The following KLF9 variants were observed in gnomAD, a reference collection of about 807,000 sequenced individuals.
The protein encoded by KLF9 is Krueppel-like factor 9.
Under a neutral mutation model 17.3 loss-of-function variants are expected in KLF9, and 2 were observed. The observed-to-expected ratio is 0.12, with a 90% CI of 0.05 to 0.36. The LOEUF is 0.36. Ranked by LOEUF, KLF9 falls within the 10% of genes least tolerant of loss-of-function variation. The pLI, the probability that KLF9 is intolerant of heterozygous loss-of-function variation, is 1.00. For missense variants in KLF9, 226 were observed against 333.2 expected (o/e 0.68, Z 2.51); for synonymous variants, 138 against 139.2 (o/e 0.99, Z 0.06).
rs867179860 is a variant in KLF9, at chr9:70,413,515, C to T, written c.-152G>A. On this transcript the variant is annotated 5_prime_UTR_variant, in exon 1 of 2. Transcript: ENST00000377126. This position sits in a 1 kb window ranked among gnomAD's most constrained non-coding sequence, Gnocchi z 5.6. ...GCGGGGGCGCGGGGCGCTTCCGACT[C>T]GCAGGAGCGCCGAGGCGACCTCAGC... The T allele has an allele frequency of 1.3e-6, 1 of 761,660 alleles. No homozygotes were observed. The highest frequency in any genetic ancestry group is 1.8e-5 in the African/African-American group (1 of 54,112). 47.2% of individuals were successfully genotyped at this position (761,660 alleles called of 1,614,324 possible). A position where few individuals can be genotyped will look rare whatever the true frequency, so the allele number is the denominator to read the frequency against.
Position 70,385,346 on chromosome 9 carries a change from ATACGT to A in KLF9, c.*2425_*2429del, listed in dbSNP as rs1240683647. 1 of 152,676 alleles carries A rather than the reference ATACGT, an allele frequency of 6.5e-6. No individual in the cohort carries two copies. The highest frequency in any genetic ancestry group is 1.9e-4 in the East Asian group (1 of 5,202). 9.5% of individuals were successfully genotyped at this position (152,676 alleles called of 1,614,324 possible). On this transcript the variant is annotated 3_prime_UTR_variant, in exon 2 of 2. Transcript: ENST00000377126. The stretch of plus-strand genomic sequence containing the variant: ...ACAAAGAATAAAAAGGCTTGAGTTT[ATACGT>A]TACATTACTATAACATATAAGAGAA...
intron 1 of KLF9, among the ~76,000 whole-genome samples, chr9:70,412,518 G>A (rs2118932813): frequency 6.6e-6 from 1 of 152,176 alleles, no homozygotes; most frequent in Non-Finnish European, 1.5e-5. Flanking sequence ...CGCTGCCAGC[G>A]TCTCCCAGGT....
chr9:70,406,273 G>T (rs2037254088), intron 1 of KLF9, among the ~76,000 whole-genome samples: 1 of 152,164 alleles, frequency 6.6e-6, no homozygotes, highest in Admixed American at 6.5e-5. Context: ...AGCTGGTGAG[G>T]CTCTGGGAGA....
At chr9:70,393,847 C>G (rs1268111743) in intron 1 of KLF9, among the ~76,000 whole-genome samples, 1 of 151,880 alleles carries the variant, frequency 6.6e-6, no homozygotes, top group African/African-American at 2.4e-5. Flanking sequence ...GTGGTGAAAC[C>G]CCATCTCTAC....
At chr9:70,396,767 G>C (rs924839037) in intron 1 of KLF9, among the ~76,000 whole-genome samples, 1 of 152,128 alleles carries the variant, frequency 6.6e-6, no homozygotes, top group African/African-American at 2.4e-5. Flanking sequence ...TTTAAACAGT[G>C]AGTATAAATT....
intron 1 of KLF9, among the ~76,000 whole-genome samples, chr9:70,408,697 A>G (rs1412732222): frequency 1.3e-5 from 2 of 152,164 alleles, no homozygotes; most frequent in African/African-American, 4.8e-5. Context: ...AACCTTTTAC[A>G]GTAATTAAGG....
At position 70,409,198 on chromosome 9, in the gene KLF9, A is replaced by ATATGTG. The variant is rs1205418073; in HGVS notation, c.505+3660_505+3661insCACATA. Among the ~76,000 whole-genome samples, 4 of 51,504 alleles carry ATATGTG rather than the reference A, an allele frequency of 7.8e-5. 1 individual carries two copies. Among genetic ancestry groups the ATATGTG allele is most frequent in the Non-Finnish European group, 2.1e-4 (4 of 19,310 alleles). The allele number at this position is 51,504 out of a possible 152,430, so 33.8% of individuals were successfully genotyped here. On this transcript the variant is annotated intron_variant, in intron 1 of 1. Transcript: ENST00000377126. ...TATATATGTATACATATACATGTATATGTATATATATATACATATATGTAT... is the reference window on the plus strand; with the variant it reads ...TATATATGTATACATATACATGTATATATGTGTGTATATATATATACATATATGTAT...
rs188704548 is a variant in KLF9 at position 70,387,775 on chromosome 9, C to T, written c.*1G>A. On this transcript the variant is annotated 3_prime_UTR_variant, in exon 2 of 2. Coordinates refer to ENST00000377126, the MANE Select transcript of KLF9 (RefSeq NM_001206.4). ...CCTCCCTGGCTTCCACGGGCAGCACCTCACAAAGCGTTGGCCAGCGCCTTT... is the reference window on the plus strand; with the variant it reads ...CCTCCCTGGCTTCCACGGGCAGCACTTCACAAAGCGTTGGCCAGCGCCTTT... 6 of 1,613,674 alleles carry T rather than the reference C, an allele frequency of 3.7e-6. No individual in the cohort carries two copies. Among genetic ancestry groups the T allele is most frequent in the Non-Finnish European group, 5.1e-6 (6 of 1,179,748 alleles).
intron 1 of KLF9, among the ~76,000 whole-genome samples, chr9:70,402,375 T>G (rs2037227913): frequency 6.6e-6 from 1 of 152,246 alleles, no homozygotes; most frequent in South Asian, 2.1e-4. Context: ...TTGGGCATTG[T>G]GCACACTGAA....
chr9:70,387,568 A>T lies in KLF9; in HGVS notation c.*208T>A, dbSNP rs1292528584. ...TTCAGAGAGTTGCCTCTTCAAGGGG[A>T]CCGAGTGTTGTTGACTTTGATCTTA... On this transcript the variant is annotated 3_prime_UTR_variant, in exon 2 of 2. Transcript: ENST00000377126. 1 of 574,258 alleles carries T rather than the reference A, an allele frequency of 1.7e-6. No homozygotes were observed. The highest frequency in any genetic ancestry group is 3.1e-6 in the Non-Finnish European group (1 of 320,440). 35.6% of individuals were successfully genotyped at this position (574,258 alleles called of 1,614,324 possible).
rs536268165 is a variant in KLF9, at chr9:70,392,246, C to T, written c.506-4241G>A. Among the ~76,000 whole-genome samples the T allele has an allele frequency of 2.6e-5, 4 of 152,318 alleles. No individual in the cohort carries two copies. The South Asian group carries it at 6.2e-4, about 24-fold the overall frequency. ...AACTGGCCACCAGAATTTGTAAATT[C>T]AAATGTCTTCAGGAGCCAGACACAG... On this transcript the variant is annotated intron_variant, in intron 1 of 1. Transcript: ENST00000377126.
chr9:70,393,011 T>C (rs1048165254), intron 1 of KLF9, among the ~76,000 whole-genome samples: 3 of 152,128 alleles, frequency 2.0e-5, no homozygotes, highest in African/African-American at 7.2e-5. Flanking sequence ...ACAGCACAAG[T>C]TTCTCTGAGT....
intron 1 of KLF9, among the ~76,000 whole-genome samples, chr9:70,396,276 G>A (rs542152648): frequency 1.4e-4 from 22 of 152,174 alleles, no homozygotes; most frequent in Non-Finnish European, 2.4e-4. Flanking sequence ...TTGCTTATGA[G>A]AGCTAAAAGG....
At position 70,387,198 on chromosome 9, in the gene KLF9, C is replaced by CGT. The variant is rs905326388; in HGVS notation, c.*576_*577dup. On this transcript the variant is annotated 3_prime_UTR_variant, in exon 2 of 2. Coordinates refer to ENST00000377126, the MANE Select transcript of KLF9 (RefSeq NM_001206.4). ...TTGCATAAAGACAGCTGTGCTATGG[C>CGT]GTTTTTTTTTTTAATCTCAAAAGTT... 3.3e-5 allele frequency: 5 copies of CGT among 152,492 alleles called. No homozygotes were observed. The highest frequency in any genetic ancestry group is 1.3e-4 in the African/African-American group (5 of 39,890). 9.4% of individuals were successfully genotyped at this position (152,492 alleles called of 1,614,324 possible). A position where few individuals can be genotyped will look rare whatever the true frequency, so the allele number is the denominator to read the frequency against.
rs1277680716 is a variant in KLF9 at position 70,414,429 on chromosome 9, C to T, written c.-1066G>A. 1.3e-5 allele frequency: 2 copies of T among 152,250 alleles called. No homozygotes were observed. The highest frequency in any genetic ancestry group is 1.3e-4 in the Admixed American group (2 of 15,290). The allele number at this position is 152,250 out of a possible 1,614,324, so 9.4% of individuals were successfully genotyped here. ...ATCAAAAGTAAGTTGGTTGATGTCA[C>T]TGGCATTGGCTCGGCCAATCACAAG... On this transcript the variant is annotated 5_prime_UTR_variant, in exon 1 of 2. The change creates a new upstream start codon in the 5' untranslated region. Coordinates refer to ENST00000377126, the MANE Select transcript of KLF9 (RefSeq NM_001206.4).
Position 70,387,263 on chromosome 9 carries a change from GC to G in KLF9, c.*512del, listed in dbSNP as rs2037119009. On this transcript the variant is annotated 3_prime_UTR_variant, in exon 2 of 2. Coordinates refer to ENST00000377126, the MANE Select transcript of KLF9 (RefSeq NM_001206.4). ...GAGTGGTTTTGCTAAACAAACTGAA[GC>G]ACACTCGTCATTACATTAAAAGGTA... The G allele has an allele frequency of 6.5e-6, 1 of 154,716 alleles. No individual in the cohort carries two copies. Among genetic ancestry groups the G allele is most frequent in the Non-Finnish European group, 1.4e-5 (1 of 69,586 alleles). 9.6% of individuals were successfully genotyped at this position (154,716 alleles called of 1,614,324 possible).
rs2037343662 is a variant in KLF9 at position 70,413,424 on chromosome 9, G to C, written c.-61C>G. ...ACTTGGCGGTGGCTGCGGAGGTTCGGCTCGCCCTGCCCTGGCCTCGGACGA... is the reference window on the plus strand; with the variant it reads ...ACTTGGCGGTGGCTGCGGAGGTTCGCCTCGCCCTGCCCTGGCCTCGGACGA... On this transcript the variant is annotated 5_prime_UTR_variant, in exon 1 of 2. Transcript: ENST00000377126. The surrounding 1 kb of genome is among the most constrained non-coding windows in gnomAD (Gnocchi z 5.6). The C allele has an allele frequency of 7.0e-7, 1 of 1,437,358 alleles. No homozygotes were observed. The highest frequency in any genetic ancestry group is 2.7e-5 in the Admixed American group (1 of 37,024). The allele number at this position is 1,437,358 out of a possible 1,614,324, so 89.0% of individuals were successfully genotyped here.
chr9:70,405,933 G>A (rs550491516), intron 1 of KLF9, among the ~76,000 whole-genome samples: 1 of 152,158 alleles, frequency 6.6e-6, no homozygotes. Context: ...GGTAGGGAGT[G>A]GTAGGAAACC....
chr9:70,409,278 TG>T (rs1358496867), intron 1 of KLF9, among the ~76,000 whole-genome samples: 1 of 148,172 alleles, frequency 6.7e-6, no homozygotes, highest in Admixed American at 7.0e-5. Context: ...GGTTGGAATT[TG>T]GGGTTTTCTG....
Sources: allele counts gnomAD v4.1 joint callset (sites outside exome capture counted in the v4.1 genomes callset), GRCh38; gene constraint gnomAD v4.1.1; non-coding constraint Gnocchi (gnomAD v3.1); transcripts MANE v1.5; gene names NCBI Gene and HGNC (gene_info 2026-07-23, HGNC 2026-07-21).